Variants in VWF observed in about 807,000 individuals in gnomAD.
The protein encoded by VWF is von Willebrand factor.
In VWF, 176 loss-of-function variants were observed where a neutral mutation model predicts 308.6. That is an observed-to-expected ratio of 0.57 (90% CI 0.50 to 0.65). VWF has a LOEUF of 0.65. Ranked by LOEUF, VWF falls within the 30% of genes least tolerant of loss-of-function variation. The pLI is 0.00. For synonymous variants in VWF, 1,385 were observed against 1,443.4 expected (o/e 0.96, Z 0.92); for missense variants, 3,146 against 3,648.2 (o/e 0.86, Z 3.55).
chr12:6,119,412 C>T (rs765336839), intron 3 of VWF, among the ~76,000 whole-genome samples: 1 of 152,234 alleles, frequency 6.6e-6, no homozygotes, highest in African/African-American at 2.4e-5. Context: ...CCACACTGAC[C>T]TCCCCAGGGC....
At position 6,057,947 on chromosome 12, in the gene VWF, G is replaced by A. The variant is rs761746851; in HGVS notation, c.1631C>T (p.Pro544Leu). 1.9e-6 allele frequency: 3 copies of A among 1,613,738 alleles called. No homozygotes were observed. Among genetic ancestry groups the A allele is most frequent in the Non-Finnish European group, 2.5e-6 (3 of 1,180,030 alleles). ...DFLTPSGLAE[P>L]RVEDFGNAWK... is the part of the protein sequence containing the mutation. ...GGCGTTCCCGAAGTCCTCCACCCGG[G>A]GCTCCGCCAGCCCAGAGGGGGTAAG... Residue 544 changes from proline to leucine, a missense_variant, in exon 14 of 52, where the codon CCC (proline) becomes CTC (leucine). This residue lies in a region of VWF where 1,304 missense variants were observed against 1,353.0 expected (regional missense o/e 0.96). Transcript: ENST00000261405.
chr12:6,042,509 GA>G (rs1179226920), intron 18 of VWF, among the ~76,000 whole-genome samples: 1 of 152,192 alleles, frequency 6.6e-6, no homozygotes, highest in African/African-American at 2.4e-5. Context: ...CTGCTCTCTC[GA>G]ATCTGGCCGC....
chr12:6,116,084 G>A (rs1945362697), intron 3 of VWF, among the ~76,000 whole-genome samples: 2 of 152,182 alleles, frequency 1.3e-5, no homozygotes, highest in African/African-American at 4.8e-5. Flanking sequence ...GGCATCAGAT[G>A]ATGTGCAGCC....
In VWF at chr12:6,018,367, G is replaced by A; in HGVS notation, c.5051C>T (p.Pro1684Leu). 3.1e-6 allele frequency: 5 copies of A among 1,609,704 alleles called. No homozygotes were observed. The South Asian group carries it at 4.4e-5, about 14-fold the overall frequency. ...GLQIPTLSPA[P>L]DCSQPLDVIL... ...CTGCACACAAGGTGCCAGCATACCA[G>A]GTGCAGGGGAGAGGGTGGGGATCTG... The change falls in exon 28 of 52, where the codon CCT (proline) becomes CTT (leucine). Residue 1684 changes from proline (P) to leucine (L), a missense_variant and splice_region_variant. Pro to Leu is a moderately conservative substitution (Grantham distance 98, BLOSUM62 -3). Around this residue, in one of 3 missense-constraint regions of VWF, gnomAD observed 853 missense variants for 1,177.8 expected, o/e 0.72. Transcript: ENST00000261405.
At chr12:6,101,644 C>T (rs572817008) in intron 5 of VWF, among the ~76,000 whole-genome samples, 9 of 152,108 alleles carry the variant, frequency 5.9e-5, no homozygotes, top group Non-Finnish European at 1.0e-4. Flanking sequence ...GGCATGGTGG[C>T]GGGCGCCTGT....
chr12:6,005,929 T>C (rs1383112539), intron 34 of VWF, among the ~76,000 whole-genome samples: 1 of 152,160 alleles, frequency 6.6e-6, no homozygotes, highest in Non-Finnish European at 1.5e-5. Context: ...AAAGGTAAAA[T>C]TCCTGGTAAA....
chr12:6,108,158 G>T (rs938931234), intron 5 of VWF, among the ~76,000 whole-genome samples: 20 of 151,776 alleles, frequency 1.3e-4, no homozygotes, highest in Admixed American at 1.2e-3. Flanking sequence ...GCCAGGCGTG[G>T]TGACACCTGG....
At chr12:6,030,954 T>C (rs1027327539) in intron 21 of VWF, among the ~76,000 whole-genome samples, 1 of 152,050 alleles carries the variant, frequency 6.6e-6, no homozygotes, top group Non-Finnish European at 1.5e-5. Flanking sequence ...GTTTGAACCC[T>C]AGAGGTGGAG....
chr12:6,018,965 C>T lies in VWF; in HGVS notation c.4453G>A (p.Val1485Ile), dbSNP rs1163946298. ...TTCCTCTTGGGCCCCAGGGTCGAAA[C>T]CCCCAAGAGCCCCGGGCCCACAGTG... is the stretch of plus-strand genomic sequence containing the variant. ...QVTVGPGLLG[V>I]STLGPKRNSM... The change falls in exon 28 of 52, where the codon GTT becomes ATT. Residue 1485 changes from valine (V) to isoleucine (I), a missense_variant. Physicochemically the swap from Val to Ile is conservative, Grantham distance 29 (BLOSUM62 3). Coordinates refer to ENST00000261405, the MANE Select transcript of VWF (RefSeq NM_000552.5). 13 of 1,613,750 alleles carry T rather than the reference C, an allele frequency of 8.1e-6. No individual in the cohort carries two copies. The highest frequency in any genetic ancestry group is 2.7e-5 in the African/African-American group (2 of 74,862).
At chr12:5,953,120 G>A (rs112669657) in intron 48 of VWF, among the ~76,000 whole-genome samples, 444 of 152,154 alleles carry the variant, frequency 2.9e-3, no homozygotes, top group African/African-American at 0.01. Context: ...CCAGCTACTC[G>A]GGAGGCTGAG....
intron 24 of VWF, among the ~76,000 whole-genome samples, chr12:6,025,116 C>T (rs945206127): frequency 1.3e-5 from 2 of 151,456 alleles, no homozygotes; most frequent in African/African-American, 4.9e-5. Flanking sequence ...AGTCATAATA[C>T]GAGGACTCAA....
chr12:5,971,817 T>G, intron 43 of VWF, 108 bp from the exon 44 acceptor site: 41 of 902,950 alleles, frequency 4.5e-5, no homozygotes, highest in Non-Finnish European at 6.2e-5. Flanking sequence ...AAGTGATCAC[T>G]GGTCTGGGCA....
intron 18 of VWF, among the ~76,000 whole-genome samples, chr12:6,037,725 C>T (rs1404655772): frequency 1.3e-5 from 2 of 152,128 alleles, no homozygotes. Flanking sequence ...CCAGAGCTCC[C>T]TGCAGGGCGA....
chr12:5,950,520 T>C (rs1943176634), intron 50 of VWF, among the ~76,000 whole-genome samples: 1 of 152,136 alleles, frequency 6.6e-6, no homozygotes, highest in South Asian at 2.1e-4. Context: ...CAGCTCACCA[T>C]TCCAGTCTGA....
chr12:6,008,538 AT>A (rs1292552301), intron 34 of VWF, among the ~76,000 whole-genome samples: 1 of 152,214 alleles, frequency 6.6e-6, no homozygotes, highest in Non-Finnish European at 1.5e-5. Context: ...AATAAAGGCC[AT>A]TAATGAAAAT....
At chr12:6,070,120 C>A (rs1435263357) in intron 10 of VWF, among the ~76,000 whole-genome samples, 3 of 152,214 alleles carry the variant, frequency 2.0e-5, no homozygotes, top group Non-Finnish European at 4.4e-5. Context: ...ATATGTCTTC[C>A]AAAGAGCTCC....
chr12:6,074,067 A>G (rs112598161), intron 7 of VWF, among the ~76,000 whole-genome samples: 2,259 of 152,126 alleles, frequency 0.015, 73 homozygotes, highest in African/African-American at 0.052. Context: ...GAGTGACACC[A>G]AACTCCTCTA....
intron 34 of VWF, among the ~76,000 whole-genome samples, chr12:5,999,471 T>TACGCAC (rs1943847962): frequency 7.0e-6 from 1 of 143,558 alleles, no homozygotes; most frequent in Admixed American, 6.9e-5. Context: ...TGTACACACA[T>TACGCAC]ACACACACAC....
At position 6,057,876 on chromosome 12, in the gene VWF, C is replaced by T. The variant is rs1322647015; in HGVS notation, c.1702G>A (p.Asp568Asn). The T allele has an allele frequency of 5.0e-6, 8 of 1,610,802 alleles. No homozygotes were observed. The highest frequency in any genetic ancestry group is 2.2e-5 in the South Asian group (2 of 90,804). ...DCQDLQKQHS[D>N]PCALNPRMTR... is the part of the protein sequence containing the mutation. The stretch of plus-strand genomic sequence containing the variant: ...ATGCGCGGGTTGAGGGCGCAGGGAT[C>T]GCTGTGCTGCTTCTGCAGGTCCTGG... The change falls in exon 14 of 52, where the codon GAT (aspartate) becomes AAT (asparagine). Residue 568 changes from aspartate (D) to asparagine (N), a missense_variant. By Grantham distance (23) the Asp-to-Asn change is conservative. Around this residue, in one of 3 missense-constraint regions of VWF, gnomAD observed 1,304 missense variants for 1,353.0 expected, o/e 0.96. Transcript: ENST00000261405.
Sources: gnomAD v4.1 joint callset for allele counts (sites outside exome capture counted in the v4.1 genomes callset) on GRCh38, gnomAD v4.1.1 for gene constraint, gnomAD v4.1.1 regional missense constraint, MANE v1.5 for transcripts, NCBI Gene and HGNC (gene_info 2026-07-23, HGNC 2026-07-21) for gene names.